The following CMYA5 variants were observed in gnomAD, a reference collection of about 807,000 sequenced individuals.
CMYA5 encodes the protein cardiomyopathy-associated protein 5.
Under a neutral mutation model 318.9 loss-of-function variants are expected in CMYA5, and 246 were observed. The ratio of observed to expected loss-of-function variants is 0.77; its 90% CI spans 0.70 to 0.86. The LOEUF (loss-of-function observed/expected upper bound fraction) is 0.86, where lower values mean the gene tolerates loss of function less well. Ranked by LOEUF, CMYA5 falls within the 40% of genes least tolerant of loss-of-function variation. The pLI is 0.00. For missense variants in CMYA5, 4,589 were observed against 4,678.2 expected (o/e 0.98, Z 0.56); for synonymous variants, 1,641 against 1,729.5 (o/e 0.95, Z 1.27).
chr5:79,731,753 A>G lies in CMYA5; in HGVS notation c.2988A>G (p.Glu996=), dbSNP rs2151085307. The G allele has an allele frequency of 6.2e-7, 1 of 1,613,858 alleles. No homozygotes were observed. Among genetic ancestry groups the G allele is most frequent in the East Asian group, 2.2e-5 (1 of 44,880 alleles). ...CAGATGAAGACACTGAAGAAGCGGA[A>G]CTGTTCTCTCCAGACTCAGCATCAC... ...ILSDEDTEEA[E]LFSPDSASQV... The change falls in exon 2 of 13, where the codon GAA becomes GAG. Residue 996 remains glutamate (E), a synonymous_variant. Coordinates refer to ENST00000446378, the MANE Select transcript of CMYA5 (RefSeq NM_153610.5).
intron 1 of CMYA5, among the ~76,000 whole-genome samples, chr5:79,722,187 T>C (rs1284124179): frequency 6.6e-6 from 1 of 152,202 alleles, no homozygotes; most frequent in African/African-American, 2.4e-5. Flanking sequence ...ATTTTGAAAT[T>C]GCAAAATACA....
intron 6 of CMYA5, among the ~76,000 whole-genome samples, chr5:79,756,054 G>C (rs1253480036): frequency 6.6e-6 from 1 of 152,218 alleles, no homozygotes; most frequent in East Asian, 1.9e-4. Flanking sequence ...CTTCAAAGAT[G>C]ATCGACAATC....
At chr5:79,762,044 G>A in intron 8 of CMYA5, 87 bp downstream of exon 8, 2 of 1,414,948 alleles carry the variant, frequency 1.4e-6, no homozygotes, top group Non-Finnish European at 9.5e-7. Flanking sequence ...TGTTTATTAA[G>A]CACCTATTGT....
chr5:79,701,074 A>G (rs1403881687), intron 1 of CMYA5, among the ~76,000 whole-genome samples: 1 of 143,206 alleles, frequency 7.0e-6, no homozygotes, highest in Non-Finnish European at 1.5e-5. Flanking sequence ...GTGAAACCCC[A>G]TCTCTACTAA....
intron 10 of CMYA5, among the ~76,000 whole-genome samples, chr5:79,790,222 C>G (rs1483170845): frequency 6.6e-6 from 1 of 152,148 alleles, no homozygotes; most frequent in Non-Finnish European, 1.5e-5. Flanking sequence ...AATATGGTGC[C>G]TGTCCTTCCA....
chr5:79,758,693 T>C, intron 6 of CMYA5, 60 bp from the exon 7 acceptor site: 1 of 1,435,806 alleles, frequency 7.0e-7, no homozygotes, highest in African/African-American at 1.4e-5. Flanking sequence ...CATAAGTAAC[T>C]TGTGCCCAAA....
intron 6 of CMYA5, among the ~76,000 whole-genome samples, chr5:79,753,818 A>G (rs7723563): frequency 0.092 from 13,128 of 142,094 alleles, 1,330 homozygotes; most frequent in African/African-American, 0.25. Flanking sequence ...ATTGATCTTA[A>G]TGGATTTTCT....
Position 79,796,855 on chromosome 5 carries a change from G to C in CMYA5, c.11964-2515G>C, listed in dbSNP as rs200974222. 1.8e-4 allele frequency among the ~76,000 whole-genome samples: 27 copies of C among 151,786 alleles called. No individual in the cohort carries two copies. The East Asian group carries it at 5.0e-3, about 28-fold the overall frequency. On this transcript the variant is annotated intron_variant, in intron 12 of 12. Transcript: ENST00000446378. ...CTTACATTTAAATAAACATGTCAAC[G>C]TTACGGATCAATAAAATTTAAAAAC...
In CMYA5 at chr5:79,738,287, T is replaced by G; in HGVS notation, c.9522T>G (p.Thr3174=). The change falls in exon 2 of 13, where the codon ACT becomes ACG. Residue 3174 remains threonine, a synonymous_variant. Transcript: ENST00000446378. The stretch of plus-strand genomic sequence containing the variant: ...CACGAACCCAGATATTTCCTACCAC[T>G]ATTAAAGTCATTGATCCAGAATTTC... ...VLSRTQIFPT[T]IKVIDPEFLE... 2 of 1,613,498 alleles carry G rather than the reference T, an allele frequency of 1.2e-6. No homozygotes were observed. The highest frequency in any genetic ancestry group is 1.7e-6 in the Non-Finnish European group (2 of 1,179,784).
chr5:79,798,978 C>T (rs1580813673), intron 12 of CMYA5, among the ~76,000 whole-genome samples: 1 of 152,150 alleles, frequency 6.6e-6, no homozygotes, highest in African/African-American at 2.4e-5. Flanking sequence ...GTATGGAAGG[C>T]AAGCTTACGG....
chr5:79,735,128 A>G lies in CMYA5; in HGVS notation c.6363A>G (p.Lys2121=). The part of the protein sequence containing the change: ...KVIDDADEGK[K]PSPEVKIPTQ... ...TTGATGATGCTGATGAGGGAAAGAAACCATCACCTGAAGTAAAAATACCCA... is the reference window on the plus strand; with the variant it reads ...TTGATGATGCTGATGAGGGAAAGAAGCCATCACCTGAAGTAAAAATACCCA... Residue 2121 remains lysine, a synonymous_variant, in exon 2 of 13, where the codon AAA becomes AAG. Transcript: ENST00000446378. 2 of 1,613,818 alleles carry G rather than the reference A, an allele frequency of 1.2e-6. No individual in the cohort carries two copies. Among genetic ancestry groups the G allele is most frequent in the South Asian group, 1.1e-5 (1 of 91,068 alleles).
chr5:79,702,341 C>T (rs562576372), intron 1 of CMYA5, among the ~76,000 whole-genome samples: 6 of 151,782 alleles, frequency 4.0e-5, no homozygotes, highest in South Asian at 2.1e-4. Flanking sequence ...AAGCTATGAT[C>T]GGCCACTGCA....
chr5:79,700,617 A>T (rs1435836085), intron 1 of CMYA5, among the ~76,000 whole-genome samples: 3 of 152,260 alleles, frequency 2.0e-5, no homozygotes, highest in Non-Finnish European at 2.9e-5. Flanking sequence ...CAACATCATT[A>T]TCCATCAGAT....
chr5:79,704,956 T>C (rs1287761359), intron 1 of CMYA5, among the ~76,000 whole-genome samples: 2 of 152,198 alleles, frequency 1.3e-5, no homozygotes, highest in Admixed American at 6.5e-5. Flanking sequence ...AACCCCTTCT[T>C]AACATTTCTA....
chr5:79,737,174 G>T lies in CMYA5; in HGVS notation c.8409G>T (p.Lys2803Asn). 1 of 1,613,018 alleles carries T rather than the reference G, an allele frequency of 6.2e-7. No homozygotes were observed. The highest frequency in any genetic ancestry group is 8.5e-7 in the Non-Finnish European group (1 of 1,179,632). The change falls in exon 2 of 13, where the codon AAG becomes AAT. Residue 2803 changes from lysine (K) to asparagine (N), a missense_variant. By Grantham distance (94) the Lys-to-Asn change is moderately conservative (BLOSUM62 0). Coordinates refer to ENST00000446378, the MANE Select transcript of CMYA5 (RefSeq NM_153610.5). ...TAGCTCGTCCTTTTGATGAAACTAA[G>T]AGCTCAGAAACACCGCCATATTTGC... ...RTLARPFDET[K>N]SSETPPYLLS... is the part of the protein sequence containing the mutation.
Position 79,731,175 on chromosome 5 carries a change from C to A in CMYA5, c.2410C>A (p.Pro804Thr). The change falls in exon 2 of 13, where the codon CCA becomes ACA. Residue 804 changes from proline to threonine, a missense_variant. Around this residue, in one of 3 missense-constraint regions of CMYA5, gnomAD observed 2,132 missense variants for 2,131.3 expected, o/e 1.00. Transcript: ENST00000446378. ...DSKLISKYAAPLNATQESQKK... is the reference protein window; with the variant it reads ...DSKLISKYAATLNATQESQKK... ...AAAGTTGATCTCCAAATATGCAGCC[C>A]CACTCAATGCAACACAGGAATCTCA... The A allele has an allele frequency of 6.2e-7, 1 of 1,613,988 alleles. No homozygotes were observed. The highest frequency in any genetic ancestry group is 1.1e-5 in the South Asian group (1 of 91,072).
At position 79,751,227 on chromosome 5, in the gene CMYA5, G is replaced by C. The variant is rs77920720; in HGVS notation, c.10992-1449G>C. ...ATTGAACTCTCAGTGGGTATGAAAG[G>C]CTCTTTATAGTCAAGCCACAAACGA... On this transcript the variant is annotated intron_variant, in intron 5 of 12. Transcript: ENST00000446378. Among the ~76,000 whole-genome samples, 528 of 152,200 alleles carry C rather than the reference G, an allele frequency of 3.5e-3. 4 individuals carry two copies. The highest frequency in any genetic ancestry group is 7.5e-3 in the Admixed American group (115 of 15,290).
At position 79,733,063 on chromosome 5, in the gene CMYA5, A is replaced by T. The variant is rs139147129; in HGVS notation, c.4298A>T (p.His1433Leu). The part of the protein sequence containing the change: ...GASPIETSSK[H>L]LAWSEAEKEI... ...TCTCCCATTGAAACTTCATCCAAAC[A>T]TTTAGCTTGGTCAGAAGCAGAGAAG... The change falls in exon 2 of 13, where the codon CAT becomes CTT. Residue 1433 changes from histidine to leucine, a missense_variant. Coordinates refer to ENST00000446378, the MANE Select transcript of CMYA5 (RefSeq NM_153610.5). 6 of 1,613,426 alleles carry T rather than the reference A, an allele frequency of 3.7e-6. No individual in the cohort carries two copies. The African/African-American group carries it at 8.0e-5, about 22-fold the overall frequency.
At chr5:79,746,266 T>G (rs1369678482) in intron 4 of CMYA5, among the ~76,000 whole-genome samples, 1 of 152,132 alleles carries the variant, frequency 6.6e-6, no homozygotes, top group African/African-American at 2.4e-5. Context: ...TTAGAAAACT[T>G]TGGAGATACA....
Sources: gnomAD v4.1 joint callset for allele counts (sites outside exome capture counted in the v4.1 genomes callset) on GRCh38, gnomAD v4.1.1 for gene constraint, gnomAD v4.1.1 regional missense constraint, MANE v1.5 for transcripts, NCBI Gene and HGNC (gene_info 2026-07-23, HGNC 2026-07-21) for gene names.